AAMDC: variants seen among roughly 807,000 people sequenced by gnomAD.
The protein encoded by AAMDC is mth938 domain-containing protein.
A neutral mutation model predicts 15.5 loss-of-function variants in AAMDC; 16 were observed. The observed-to-expected ratio is 1.03, with a 90% CI of 0.70 to 1.57. AAMDC has a LOEUF of 1.57. Ranked by LOEUF, AAMDC falls within the 40% of genes most tolerant of loss-of-function variation. The probability of loss-of-function intolerance (pLI) is 0.00; values close to 1 mark genes in which losing one functional copy is unlikely to be tolerated. For missense variants in AAMDC, 141 were observed against 144.9 expected, an observed-to-expected ratio of 0.97 and a Z score of 0.14; for synonymous variants, 51 against 51.6, an observed-to-expected ratio of 0.99 and a Z score of 0.05.
At chr11:77,869,580 G>C in intron 2 of AAMDC, 142 bp from the exon 3 acceptor site, 1 of 730,440 alleles carries the variant, frequency 1.4e-6, no homozygotes, top group Non-Finnish European at 2.3e-6. Flanking sequence ...GCCTTCCTAA[G>C]TGCCTTAAAG....
At chr11:77,833,539 C>T (rs1035419667) in intron 1 of AAMDC, among the ~76,000 whole-genome samples, 1 of 152,140 alleles carries the variant, frequency 6.6e-6, no homozygotes, top group African/African-American at 2.4e-5. Context: ...GACAAAGTAT[C>T]GCTCACTCAC....
At chr11:77,824,805 T>G (rs1037132184) in intron 1 of AAMDC, among the ~76,000 whole-genome samples, 21 of 152,216 alleles carry the variant, frequency 1.4e-4, no homozygotes, top group African/African-American at 4.8e-4. Context: ...CATTGAACTC[T>G]ATAAACACTG....
At chr11:77,895,614 T>C (rs1385139237) in intron 5 of AAMDC, among the ~76,000 whole-genome samples, 5 of 146,078 alleles carry the variant, frequency 3.4e-5, no homozygotes, top group African/African-American at 1.3e-4. Context: ...TGAAATTTCA[T>C]AGTGAGGTTA....
At chr11:77,850,945 A>G (rs1213832663) in intron 2 of AAMDC, 2 of 149,658 alleles carry the variant, frequency 1.3e-5, no homozygotes, top group Non-Finnish European at 1.5e-5. Context: ...TCATTGATAC[A>G]ATAATATCTT....
At chr11:77,872,533 A>C (rs1951478559), downstream of AAMDC, among the ~76,000 whole-genome samples, 1 of 152,194 alleles carries the variant, frequency 6.6e-6, no homozygotes, top group Non-Finnish European at 1.5e-5. Flanking sequence ...ATAGTGAATG[A>C]ACTGAGGGAA....
At chr11:77,821,378 G>A in intron 1 of AAMDC, 137 bp downstream of exon 1, 1 of 155,084 alleles carries the variant, frequency 6.4e-6, no homozygotes, top group East Asian at 1.9e-4. Context: ...AGGTAGAGGT[G>A]TGCCCTTAAT....
intron 5 of AAMDC, among the ~76,000 whole-genome samples, chr11:77,897,420 G>A (rs906629036): frequency 1.3e-5 from 2 of 151,136 alleles, no homozygotes; most frequent in Non-Finnish European, 2.9e-5. Flanking sequence ...AACTTTAAAA[G>A]ATTATATTTA....
In AAMDC at chr11:77,888,032, C is replaced by T. The variant is rs1056815458; in HGVS notation, c.328+10983C>T. Among the ~76,000 whole-genome samples the T allele has an allele frequency of 2.7e-3, 405 of 152,320 alleles. 5 individuals carry two copies. The highest frequency in any genetic ancestry group is 2.5e-3 in the Non-Finnish European group (169 of 68,032). On this transcript the variant is annotated intron_variant, in intron 5 of 5. Transcript: ENST00000304716. ...TTTATACATTCAATGCCATCCCCAT[C>T]AAGCTACCAATGACTTTCTTCACAG...
intron 1 of AAMDC, among the ~76,000 whole-genome samples, chr11:77,825,026 G>C (rs1409801289): frequency 6.6e-6 from 1 of 152,056 alleles, no homozygotes; most frequent in Non-Finnish European, 1.5e-5. Flanking sequence ...TATCACCCAG[G>C]CTAGAGTGCA....
At chr11:77,899,985 TA>T (rs951328649) in intron 5 of AAMDC, among the ~76,000 whole-genome samples, 1 of 151,958 alleles carries the variant, frequency 6.6e-6, no homozygotes, top group Non-Finnish European at 1.5e-5. Context: ...ATATATAAAC[TA>T]AAAAAAATCT....
intron 1 of AAMDC, among the ~76,000 whole-genome samples, chr11:77,823,350 CACAAA>C (rs1949019263): frequency 6.7e-6 from 1 of 149,800 alleles, no homozygotes; most frequent in South Asian, 2.1e-4. Context: ...TGAAATGAAA[CACAAA>C]ACTAAACTAA....
At chr11:77,901,405 C>A, downstream of AAMDC, 4 of 1,613,770 alleles carry the variant, frequency 2.5e-6, no homozygotes, top group Non-Finnish European at 3.4e-6. Flanking sequence ...ATATTTTGGC[C>A]AACCCCACAT....
chr11:77,876,158 A>G (rs1312692730), downstream of AAMDC, among the ~76,000 whole-genome samples: 2 of 152,154 alleles, frequency 1.3e-5, no homozygotes, highest in African/African-American at 4.8e-5. Flanking sequence ...CTTTTGTATG[A>G]GGGATGAGGA....
chr11:77,901,912 C>CA (rs1312541097), downstream of AAMDC, among the ~76,000 whole-genome samples: 5 of 151,846 alleles, frequency 3.3e-5, no homozygotes, highest in Admixed American at 2.0e-4. Flanking sequence ...ACCCAATCCC[C>CA]ACAAAGTCCT....
downstream of AAMDC, among the ~76,000 whole-genome samples, chr11:77,903,776 G>A (rs1180184795): frequency 6.6e-6 from 1 of 152,120 alleles, no homozygotes; most frequent in Non-Finnish European, 1.5e-5. Flanking sequence ...ATCTATTATG[G>A]AGAAAGATGA....
At chr11:77,841,924 G>A (rs1051484445) in intron 1 of AAMDC, among the ~76,000 whole-genome samples, 8 of 152,100 alleles carry the variant, frequency 5.3e-5, no homozygotes, top group Non-Finnish European at 7.3e-5. Context: ...TGGCCATGGC[G>A]GCAAGGCTGT....
intron 3 of AAMDC, 133 bp from the exon 4 acceptor site, chr11:77,872,042 G>A: frequency 9.8e-7 from 1 of 1,016,516 alleles, no homozygotes; most frequent in Non-Finnish European, 1.4e-6. Context: ...ATTTTGGACT[G>A]GTGATACACT....
At chr11:77,834,451 T>TG (rs1203098116) in intron 1 of AAMDC, among the ~76,000 whole-genome samples, 1 of 148,816 alleles carries the variant, frequency 6.7e-6, no homozygotes, top group East Asian at 1.9e-4. Flanking sequence ...GTTTTTTTTT[T>TG]TTTTTTTTTT....
At chr11:77,892,241 C>T (rs915472219) in intron 5 of AAMDC, among the ~76,000 whole-genome samples, 2 of 152,148 alleles carry the variant, frequency 1.3e-5, no homozygotes, top group Non-Finnish European at 1.5e-5. Flanking sequence ...AAAACGATTG[C>T]TTCAATGGAG....
Sources: gnomAD v4.1 joint callset for allele counts (sites outside exome capture counted in the v4.1 genomes callset) on GRCh38, gnomAD v4.1.1 for gene constraint, MANE v1.5 for transcripts, NCBI Gene and HGNC (gene_info 2026-07-23, HGNC 2026-07-21) for gene names.